GRM4: variants seen among roughly 807,000 people sequenced by gnomAD.
GRM4 encodes the protein glutamate metabotropic receptor 4.
GRM4 carries 28 observed loss-of-function variants against 81.7 expected under a neutral mutation model. The ratio of observed to expected loss-of-function variants is 0.34; its 90% confidence interval spans 0.25 to 0.47. The LOEUF is 0.47. Among genes scored for constraint, GRM4 ranks in the 20% least tolerant of loss-of-function variants. The probability of loss-of-function intolerance (pLI) is 1.00; values close to 1 mark genes in which losing one functional copy is unlikely to be tolerated. For missense variants in GRM4, 948 were observed against 1,290.0 expected (o/e 0.73, Z 4.06); for synonymous variants, 488 against 528.8 (o/e 0.92, Z 1.06).
At chr6:34,060,933 C>T (rs949631406) in intron 4 of GRM4, 1 of 152,348 alleles carries the variant, frequency 6.6e-6, no homozygotes, top group Non-Finnish European at 1.5e-5. Flanking sequence ...AAGCCCTCCT[C>T]CATCCCTCCA....
chr6:34,087,223 A>C (rs946560297), intron 3 of GRM4, among the ~76,000 whole-genome samples: 3 of 151,624 alleles, frequency 2.0e-5, no homozygotes, highest in African/African-American at 7.3e-5. Context: ...ATTCGAGACC[A>C]ACCGGGCCAA....
intron 4 of GRM4, 83 bp downstream of exon 4, chr6:34,061,810 A>C: frequency 6.9e-7 from 1 of 1,445,636 alleles, no homozygotes; most frequent in Non-Finnish European, 9.5e-7. Flanking sequence ...CTCGCCTGGG[A>C]AGGTCTCCAG....
intron 9 of GRM4, among the ~76,000 whole-genome samples, chr6:34,030,022 C>G (rs998249141): frequency 6.6e-6 from 1 of 152,232 alleles, no homozygotes; most frequent in African/African-American, 2.4e-5. Context: ...TACTTACACT[C>G]TCACCCCTGG....
rs141817993 is a variant in GRM4 at position 34,089,725 on chromosome 6, C to T, written c.736+2158G>A. On this transcript the variant is annotated intron_variant, in intron 3 of 10. Coordinates refer to ENST00000538487, the MANE Select transcript of GRM4 (RefSeq NM_000841.4). The surrounding 1 kb of genome is among the most constrained non-coding windows in gnomAD (Gnocchi z 4.3). ...TTGAGTAGACTTTATTTTTTCTAAC[C>T]GCCCAATACTTGATTAGATGTTGAT... Among the ~76,000 whole-genome samples, 96 of 152,126 alleles carry T rather than the reference C, an allele frequency of 6.3e-4. 2 individuals carry two copies. The highest frequency in any genetic ancestry group is 2.1e-3 in the African/African-American group (87 of 41,492).
In GRM4 at chr6:34,059,220, A is replaced by G; in HGVS notation, c.873-92T>C. ...CACTTGCTTTGGGCCCACGTCCCTC[A>G]CCCCCAGAAGCCCAGGGTCCACAAC... On this transcript the variant is annotated intron_variant, in intron 4 of 10. Coordinates refer to ENST00000538487, the MANE Select transcript of GRM4 (RefSeq NM_000841.4). The surrounding 1 kb of genome is among the most constrained non-coding windows in gnomAD (Gnocchi z 5.7). 8.5e-7 allele frequency: 1 copy of G among 1,175,668 alleles called. No individual in the cohort carries two copies. The highest frequency in any genetic ancestry group is 2.4e-5 in the East Asian group (1 of 41,836). 72.8% of individuals were successfully genotyped at this position (1,175,668 alleles called of 1,614,324 possible). A position where few individuals can be genotyped will look rare whatever the true frequency, so the allele number is the denominator to read the frequency against.
intron 3 of GRM4, among the ~76,000 whole-genome samples, chr6:34,073,541 A>G (rs999300044): frequency 5.3e-5 from 8 of 151,952 alleles, no homozygotes; most frequent in African/African-American, 1.7e-4. Context: ...TACACCACAC[A>G]CAGACACAGG....
At position 34,070,201 on chromosome 6, in the gene GRM4, A is replaced by G. The variant is rs1766740839; in HGVS notation, c.737-8173T>C. Among the ~76,000 whole-genome samples, 1 of 152,008 alleles carries G rather than the reference A, an allele frequency of 6.6e-6. No individual in the cohort carries two copies. The highest frequency in any genetic ancestry group is 6.5e-5 in the Admixed American group (1 of 15,276). ...ACCTCCTTACATGCACAGCCACTGG[A>G]CACCCCATTTGAGCCTGGCATCTAC... On this transcript the variant is annotated intron_variant, in intron 3 of 10. Transcript: ENST00000538487. This position sits in a 1 kb window ranked among gnomAD's most constrained non-coding sequence, Gnocchi z 4.6.
At chr6:34,124,235 C>T (rs6918514) in intron 2 of GRM4, among the ~76,000 whole-genome samples, 84,780 of 151,996 alleles carry the variant, frequency 0.56, 23,790 homozygotes, top group Admixed American at 0.66. Context: ...AAGCAGAGTC[C>T]TGTCCCCGGG....
intron 2 of GRM4, among the ~76,000 whole-genome samples, chr6:34,097,806 G>T (rs1227613645): frequency 6.6e-6 from 1 of 152,164 alleles, no homozygotes; most frequent in Non-Finnish European, 1.5e-5. Flanking sequence ...CTCAGTCAGG[G>T]TTGAAATCCC....
rs34256571 is a variant in GRM4 at position 34,070,792 on chromosome 6, C to CCACACA, written c.737-8770_737-8765dup. ...CACCACACCCCCGCCACACCCCCAGCCACACACACACACACACACACACAC... is the reference window on the plus strand; with the variant it reads ...CACCACACCCCCGCCACACCCCCAGCCACACACACACACACACACACACACACACAC... On this transcript the variant is annotated intron_variant, in intron 3 of 10. Transcript: ENST00000538487. This position sits in a 1 kb window ranked among gnomAD's most constrained non-coding sequence, Gnocchi z 4.6. Among the ~76,000 whole-genome samples the CCACACA allele has an allele frequency of 7.8e-3, 1,062 of 135,468 alleles. 8 individuals are homozygous for CCACACA. Among genetic ancestry groups the CCACACA allele is most frequent in the East Asian group, 0.012 (55 of 4,500 alleles). The allele number at this position is 135,468 out of a possible 152,430, so 88.9% of individuals were successfully genotyped here.
chr6:34,056,447 G>GT, intron 6 of GRM4, 97 bp downstream of exon 6: 1 of 1,144,452 alleles, frequency 8.7e-7, no homozygotes, highest in Non-Finnish European at 1.2e-6. Context: ...GCCGGCCGAC[G>GT]ACAGACAAAG....
At chr6:34,104,003 GC>G (rs970065631) in intron 2 of GRM4, 2 of 378,316 alleles carry the variant, frequency 5.3e-6, no homozygotes, top group African/African-American at 4.3e-5. Context: ...CCTCACCACG[GC>G]CCCGAGGTAG....
chr6:34,133,184 T>A lies in GRM4; in HGVS notation c.313A>T (p.Ile105Phe). The A allele has an allele frequency of 6.2e-7, 1 of 1,613,928 alleles. No homozygotes were observed. Among genetic ancestry groups the A allele is most frequent in the African/African-American group, 1.3e-5 (1 of 75,060 alleles). ...LLPNITLGAR[I>F]LDTCSRDTHA... ...GTGTCCCTGGAGCAGGTGTCCAGAA[T>A]GCGGGCGCCCAGCGTGATGTTAGGC... The change falls in exon 2 of 11, where the codon ATT becomes TTT. Residue 105 changes from isoleucine (I) to phenylalanine (F), a missense_variant. Coordinates refer to ENST00000538487, the MANE Select transcript of GRM4 (RefSeq NM_000841.4). This position sits in a 1 kb window ranked among gnomAD's most constrained non-coding sequence, Gnocchi z 6.5.
chr6:34,094,097 C>T (rs537058716), intron 2 of GRM4, among the ~76,000 whole-genome samples: 180 of 152,298 alleles, frequency 1.2e-3, no homozygotes, highest in African/African-American at 4.2e-3. Flanking sequence ...AGGCACTGCT[C>T]TGGGTGGGTC....
chr6:34,032,224 C>T (rs1764471638), intron 9 of GRM4, among the ~76,000 whole-genome samples: 1 of 152,168 alleles, frequency 6.6e-6, no homozygotes, highest in African/African-American at 2.4e-5. Context: ...TCTGCATGCA[C>T]ATGGGCACAC....
chr6:34,128,961 T>C (rs566693317), intron 2 of GRM4, among the ~76,000 whole-genome samples: 3 of 152,264 alleles, frequency 2.0e-5, no homozygotes, highest in Admixed American at 2.0e-4. Flanking sequence ...ACTGCTTCCC[T>C]CTGGGGGTGT....
chr6:34,049,934 G>T (rs1765530245), intron 6 of GRM4, among the ~76,000 whole-genome samples: 1 of 152,140 alleles, frequency 6.6e-6, no homozygotes, highest in Non-Finnish European at 1.5e-5. Context: ...GCAGTTAGTG[G>T]CCCAGTGATC....
intron 2 of GRM4, among the ~76,000 whole-genome samples, chr6:34,128,074 T>C (rs1304424327): frequency 6.6e-6 from 1 of 152,144 alleles, no homozygotes; most frequent in Non-Finnish European, 1.5e-5. Context: ...CCATGCCCCA[T>C]TTCGTGATAG....
At chr6:34,126,438 C>A (rs191402010) in intron 2 of GRM4, among the ~76,000 whole-genome samples, 1 of 152,100 alleles carries the variant, frequency 6.6e-6, no homozygotes, top group Admixed American at 6.5e-5. Context: ...ACAGAGCAAG[C>A]CCTGTTGGGA....
Sources: allele counts gnomAD v4.1 joint callset (sites outside exome capture counted in the v4.1 genomes callset), GRCh38; gene constraint gnomAD v4.1.1; non-coding constraint Gnocchi (gnomAD v3.1); transcripts MANE v1.5; gene names NCBI Gene and HGNC (gene_info 2026-07-23, HGNC 2026-07-21).